CFAP77: variants seen among roughly 807,000 people sequenced by gnomAD.
CFAP77 encodes cilia- and flagella-associated protein 77.
Under a neutral mutation model 31.1 loss-of-function variants are expected in CFAP77, and 25 were observed. That is an observed-to-expected ratio of 0.80 (90% CI 0.59 to 1.12). The LOEUF (loss-of-function observed/expected upper bound fraction) is 1.12. Among genes scored for constraint, CFAP77 ranks in the 50% most tolerant of loss-of-function variants. The pLI, the probability that CFAP77 is intolerant of heterozygous loss-of-function variation, is 0.00. For synonymous variants in CFAP77, 151 were observed against 159.9 expected, an observed-to-expected ratio of 0.94 and a Z score of 0.42; for missense variants, 377 against 397.3, an observed-to-expected ratio of 0.95 and a Z score of 0.44.
rs1310058982 is a variant in CFAP77, at chr9:132,511,392, G to A, written c.524+11792G>A. 2.0e-5 allele frequency among the ~76,000 whole-genome samples: 3 copies of A among 152,196 alleles called. No homozygotes were observed. Reference sequence around the variant, plus strand: ...GACACTCCTGTGTCTCTTGCCTGGAGAGGCCACCCTGTGTGGCCACTGCCT... The same window carrying A: ...GACACTCCTGTGTCTCTTGCCTGGAAAGGCCACCCTGTGTGGCCACTGCCT... On this transcript the variant is annotated intron_variant, in intron 3 of 5. Coordinates refer to ENST00000393216, the MANE Select transcript of CFAP77 (RefSeq NM_001282957.2). The surrounding 1 kb of genome is among the most constrained non-coding windows in gnomAD (Gnocchi z 5.8).
intron 4 of CFAP77, among the ~76,000 whole-genome samples, chr9:132,541,898 G>A (rs947636419): frequency 2.0e-5 from 3 of 151,994 alleles, no homozygotes; most frequent in African/African-American, 7.3e-5. Context: ...GGGAGGTGAC[G>A]CGGAAGGTTT....
At chr9:132,571,877 C>T (rs556107553) in intron 5 of CFAP77, among the ~76,000 whole-genome samples, 235 of 124,006 alleles carry the variant, frequency 1.9e-3, no homozygotes, top group Non-Finnish European at 3.1e-3. Context: ...AATCTGTCTC[C>T]CTTGCATTTT....
intron 3 of CFAP77, among the ~76,000 whole-genome samples, chr9:132,520,607 C>T (rs914343412): frequency 2.4e-4 from 37 of 152,300 alleles, no homozygotes; most frequent in African/African-American, 7.7e-4. Flanking sequence ...ATCGCACCAC[C>T]GCACACCAGC....
intron 1 of CFAP77, among the ~76,000 whole-genome samples, chr9:132,414,383 G>C (rs1284620604): frequency 1.3e-5 from 2 of 152,176 alleles, no homozygotes; most frequent in Non-Finnish European, 2.9e-5. Context: ...TTTAGCTGGG[G>C]AGATGGGATA....
At chr9:132,469,542 C>T (rs1439314333) in intron 1 of CFAP77, among the ~76,000 whole-genome samples, 1 of 151,900 alleles carries the variant, frequency 6.6e-6, no homozygotes, top group Non-Finnish European at 1.5e-5. Flanking sequence ...AGGGAGGAGG[C>T]GAGGGGACAT....
At chr9:132,513,346 G>A in intron 3 of CFAP77, 1 of 1,543,296 alleles carries the variant, frequency 6.5e-7, no homozygotes, top group Non-Finnish European at 8.7e-7. Context: ...CTAACCATCT[G>A]GCCGCTTTCG....
chr9:132,550,692 T>G (rs928026280), intron 5 of CFAP77, among the ~76,000 whole-genome samples: 1 of 152,004 alleles, frequency 6.6e-6, no homozygotes, highest in African/African-American at 2.4e-5. Flanking sequence ...TTTAATTTTT[T>G]TTTTGTAGAA....
intron 1 of CFAP77, among the ~76,000 whole-genome samples, chr9:132,452,622 G>A (rs543527323): frequency 6.6e-6 from 1 of 152,302 alleles, no homozygotes; most frequent in East Asian, 1.9e-4. Flanking sequence ...ATTGGATTCT[G>A]CACCAGGAGT....
chr9:132,500,803 C>T (rs368413039), intron 3 of CFAP77, among the ~76,000 whole-genome samples: 15 of 152,328 alleles, frequency 9.8e-5, no homozygotes, highest in African/African-American at 2.9e-4. Flanking sequence ...AACAAGGGCA[C>T]GACCGGCCTG....
At chr9:132,482,146 A>G (rs1482228891) in intron 1 of CFAP77, among the ~76,000 whole-genome samples, 1 of 151,842 alleles carries the variant, frequency 6.6e-6, no homozygotes, top group Non-Finnish European at 1.5e-5. Flanking sequence ...AAAAGTACAT[A>G]GATCATTCTC....
intron 5 of CFAP77, among the ~76,000 whole-genome samples, chr9:132,563,670 G>A (rs1319386210): frequency 1.3e-5 from 2 of 152,234 alleles, no homozygotes; most frequent in African/African-American, 2.4e-5. Context: ...TTCGTAGGGT[G>A]TACATGTGGC....
chr9:132,502,098 C>G (rs1330312672), intron 3 of CFAP77, among the ~76,000 whole-genome samples: 1 of 152,162 alleles, frequency 6.6e-6, no homozygotes, highest in African/African-American at 2.4e-5. Context: ...GTTCAGTGGC[C>G]TGTGACTGAC....
chr9:132,451,826 A>T, intron 1 of CFAP77, among the ~76,000 whole-genome samples: 1 of 148,140 alleles, frequency 6.8e-6, no homozygotes, highest in Middle Eastern at 3.4e-3. Flanking sequence ...TTTTTTCCAG[A>T]AGGAGTCTCA....
At chr9:132,489,883 G>A (rs967593766) in intron 1 of CFAP77, among the ~76,000 whole-genome samples, 6 of 152,170 alleles carry the variant, frequency 3.9e-5, no homozygotes, top group Non-Finnish European at 5.9e-5. Context: ...TCAGTTTCAC[G>A]GATGTCAGAG....
chr9:132,484,733 T>A lies in CFAP77; in HGVS notation c.196-13962T>A, dbSNP rs111317754. Among the ~76,000 whole-genome samples, 656 of 151,962 alleles carry A rather than the reference T, an allele frequency of 4.3e-3. 2 individuals carry two copies. Among genetic ancestry groups the A allele is most frequent in the East Asian group, 0.02 (106 of 5,194 alleles). On this transcript the variant is annotated intron_variant, in intron 1 of 5. Transcript: ENST00000393216. ...TGAATGCCTGTTTTCTTTTTTTTTTTAAATTTTTGTGGGTACATAGTAGCT... is the reference window on the plus strand; with the variant it reads ...TGAATGCCTGTTTTCTTTTTTTTTTAAAATTTTTGTGGGTACATAGTAGCT...
chr9:132,559,966 T>A (rs1437124005), intron 5 of CFAP77, among the ~76,000 whole-genome samples: 1 of 151,872 alleles, frequency 6.6e-6, no homozygotes, highest in African/African-American at 2.4e-5. Context: ...ATATGAAGAG[T>A]CCAAAATAGG....
At chr9:132,444,016 G>A (rs1850663193) in intron 1 of CFAP77, among the ~76,000 whole-genome samples, 2 of 152,244 alleles carry the variant, frequency 1.3e-5, no homozygotes, top group Non-Finnish European at 2.9e-5. Flanking sequence ...GATGACAGTG[G>A]CCCTCCCGGG....
chr9:132,419,237 T>C (rs554285809), intron 1 of CFAP77, among the ~76,000 whole-genome samples: 1 of 152,270 alleles, frequency 6.6e-6, no homozygotes, highest in African/African-American at 2.4e-5. Flanking sequence ...ACAAGATAAA[T>C]TTCTTTGTGT....
At chr9:132,478,187 C>G (rs1851382890) in intron 1 of CFAP77, among the ~76,000 whole-genome samples, 1 of 152,032 alleles carries the variant, frequency 6.6e-6, no homozygotes, top group Non-Finnish European at 1.5e-5. Context: ...GCGCCTCTTC[C>G]CTTTGCTGAT....
Sources: gnomAD v4.1 joint callset for allele counts (sites outside exome capture counted in the v4.1 genomes callset) on GRCh38, gnomAD v4.1.1 for gene constraint, Gnocchi (gnomAD v3.1) non-coding constraint, MANE v1.5 for transcripts, NCBI Gene and HGNC (gene_info 2026-07-23, HGNC 2026-07-21) for gene names.